Variants in SLC36A3 observed in about 807,000 individuals in gnomAD.
SLC36A3 encodes the protein solute carrier family 36 member 3.
Under a neutral mutation model 44.3 loss-of-function variants are expected in SLC36A3, and 35 were observed. That is an observed-to-expected ratio of 0.79 (90% CI 0.60 to 1.05). The LOEUF (loss-of-function observed/expected upper bound fraction) is 1.05, where lower values mean the gene tolerates loss of function less well. Ranked by LOEUF, SLC36A3 falls within the 50% of genes least tolerant of loss-of-function variation. SLC36A3 has a pLI of 0.00. For synonymous variants in SLC36A3, 211 were observed against 227.6 expected (o/e 0.93, Z 0.66); for missense variants, 540 against 578.7 (o/e 0.93, Z 0.69).
rs1754101182 is a variant in SLC36A3, at chr5:151,276,628, G to A, written c.*765C>T. 1 of 152,140 alleles carries A rather than the reference G, an allele frequency of 6.6e-6. No individual in the cohort carries two copies. The highest frequency in any genetic ancestry group is 1.5e-5 in the Non-Finnish European group (1 of 68,022). The allele number at this position is 152,140 out of a possible 1,614,324, so 9.4% of individuals were successfully genotyped here. On this transcript the variant is annotated 3_prime_UTR_variant, in exon 10 of 10. Transcript: ENST00000335230. ...CTGGAGTGGAATAGTTGGATCATAT[G>A]GTAGGTATATGTTTAAGTTTTAAAG...
intron 4 of SLC36A3, 120 bp from the exon 5 acceptor site, chr5:151,288,590 CT>C: frequency 3.4e-6 from 3 of 892,136 alleles, no homozygotes; most frequent in Non-Finnish European, 4.7e-6. Flanking sequence ...TCCCTACTTT[CT>C]TTTATTTTGA....
intron 3 of SLC36A3, among the ~76,000 whole-genome samples, chr5:151,294,849 G>A (rs6890252): frequency 3.9e-5 from 6 of 151,942 alleles, no homozygotes; most frequent in Non-Finnish European, 7.4e-5. Flanking sequence ...GGCTGGTCTC[G>A]AACTCCTGAC....
At chr5:151,299,483 C>T (rs1042178609) in intron 1 of SLC36A3, among the ~76,000 whole-genome samples, 3 of 151,292 alleles carry the variant, frequency 2.0e-5, no homozygotes, top group African/African-American at 7.3e-5. Context: ...ATATAGAGTA[C>T]TTATGATGGT....
rs1219946918 is a variant in SLC36A3, at chr5:151,277,241, G to A, written c.*152C>T. 1.8e-6 allele frequency: 2 copies of A among 1,081,438 alleles called. No homozygotes were observed. The highest frequency in any genetic ancestry group is 5.1e-5 in the East Asian group (2 of 39,264). The allele number at this position is 1,081,438 out of a possible 1,614,324, so 67.0% of individuals were successfully genotyped here. On this transcript the variant is annotated 3_prime_UTR_variant, in exon 10 of 10. Transcript: ENST00000335230. ...GAGGTGTAGCCTGAGAGACATCAGT[G>A]CTAACTTTTCTCATCTGCATTTCTC...
chr5:151,296,446 C>T lies in SLC36A3; in HGVS notation c.220-178G>A, dbSNP rs1387269264. ...AGAATTTGAATGCTCTTCTTAGCAT[C>T]CCTGTAGAGTGGCTGCCCAACTTCT... is the stretch of plus-strand genomic sequence containing the variant. On this transcript the variant is annotated intron_variant, in intron 2 of 9. Coordinates refer to ENST00000335230, the MANE Select transcript of SLC36A3 (RefSeq NM_181774.4). 5 of 628,612 alleles carry T rather than the reference C, an allele frequency of 8.0e-6. No homozygotes were observed. The East Asian group carries it at 1.4e-4, about 17-fold the overall frequency. 38.9% of individuals were successfully genotyped at this position (628,612 alleles called of 1,614,324 possible).
At position 151,288,776 on chromosome 5, in the gene SLC36A3, A is replaced by T. The variant is rs570187643; in HGVS notation, c.405-306T>A. 2.6e-5 allele frequency among the ~76,000 whole-genome samples: 4 copies of T among 151,640 alleles called. No individual in the cohort carries two copies. In the East Asian group the frequency reaches 7.7e-4, roughly 29 times the overall value. ...ATACACACACACACATACACACGCA[A>T]TTTTTTTCAGAATCATTTGAAAGTC... On this transcript the variant is annotated intron_variant, in intron 4 of 9. Coordinates refer to ENST00000335230, the MANE Select transcript of SLC36A3 (RefSeq NM_181774.4).
intron 9 of SLC36A3, among the ~76,000 whole-genome samples, chr5:151,278,149 A>T (rs1478616389): frequency 6.6e-6 from 1 of 152,214 alleles, no homozygotes; most frequent in South Asian, 2.1e-4. Flanking sequence ...TATCTATATA[A>T]TATAGCCTTT....
At chr5:151,281,840 G>T (rs1358553213) in intron 8 of SLC36A3, among the ~76,000 whole-genome samples, 3 of 152,026 alleles carry the variant, frequency 2.0e-5, no homozygotes, top group Non-Finnish European at 2.9e-5. Context: ...AAACAAAAAA[G>T]ACAATATATG....
At chr5:151,298,433 G>A (rs1417794660) in intron 2 of SLC36A3, among the ~76,000 whole-genome samples, 160 bp downstream of exon 2, 1 of 152,150 alleles carries the variant, frequency 6.6e-6, no homozygotes, top group African/African-American at 2.4e-5. Flanking sequence ...GCTCAGGTTG[G>A]ACCCAGGTTG....
At chr5:151,288,803 A>G (rs191658266) in intron 4 of SLC36A3, 68 of 154,196 alleles carry the variant, frequency 4.4e-4, no homozygotes, top group African/African-American at 1.6e-3. Context: ...TTGAAAGTCA[A>G]TTGCAGGTCA....
intron 8 of SLC36A3, among the ~76,000 whole-genome samples, chr5:151,282,294 G>C (rs767535875): frequency 6.6e-6 from 1 of 151,524 alleles, no homozygotes; most frequent in Non-Finnish European, 1.5e-5. Flanking sequence ...TCAGCCTCCC[G>C]AGTAGCTGGG....
chr5:151,293,492 A>G, intron 3 of SLC36A3, 33 bp from the exon 4 acceptor site: 1 of 1,559,980 alleles, frequency 6.4e-7, no homozygotes, highest in Non-Finnish European at 8.8e-7. Flanking sequence ...GCATAATTTA[A>G]AACATTTTTG....
chr5:151,296,244 T>C lies in SLC36A3; in HGVS notation c.244A>G (p.Ile82Val). The C allele has an allele frequency of 6.2e-7, 1 of 1,614,108 alleles. No homozygotes were observed. The change falls in exon 3 of 10, where the codon ATC becomes GTC. Residue 82 changes from isoleucine to valine, a missense_variant. Physicochemically the swap from Ile to Val is conservative, Grantham distance 29. Transcript: ENST00000335230. ...ATGCAGTGCACGGTGAGGACCCCGA[T>C]GGCCAGAAGGCTGACAGGACCGACC... is the stretch of plus-strand genomic sequence containing the variant. ...LLVGPVSLLAIGVLTVHCMVI... is the reference protein window; with the variant it reads ...LLVGPVSLLAVGVLTVHCMVI...
At chr5:151,299,747 G>C (rs773641618) in intron 1 of SLC36A3, among the ~76,000 whole-genome samples, 6 of 152,202 alleles carry the variant, frequency 3.9e-5, no homozygotes, top group Admixed American at 6.5e-5. Flanking sequence ...GAAGCCATTA[G>C]CTGCTTTGAT....
At chr5:151,302,013 C>G (rs1194221378) in intron 1 of SLC36A3, among the ~76,000 whole-genome samples, 1 of 152,064 alleles carries the variant, frequency 6.6e-6, no homozygotes, top group Non-Finnish European at 1.5e-5. Flanking sequence ...ACTTACAGTA[C>G]AAAATTCAAA....
At chr5:151,291,167 G>A (rs2127265122) in intron 4 of SLC36A3, among the ~76,000 whole-genome samples, 1 of 151,934 alleles carries the variant, frequency 6.6e-6, no homozygotes. Flanking sequence ...AAATTTTTGT[G>A]GAGATGGGGT....
chr5:151,282,107 C>CTTTTTTTTTT (rs1221489311), intron 8 of SLC36A3, among the ~76,000 whole-genome samples: 2 of 75,608 alleles, frequency 2.6e-5, no homozygotes, highest in African/African-American at 5.8e-5. Context: ...TTTTCTTTTT[C>CTTTTTTTTTT]TTTGTTTTTT....
At chr5:151,283,190 A>C (rs1360147476) in intron 8 of SLC36A3, among the ~76,000 whole-genome samples, 1 of 152,026 alleles carries the variant, frequency 6.6e-6, no homozygotes, top group Non-Finnish European at 1.5e-5. Flanking sequence ...CTGGCCTTCT[A>C]CTATCTTTCT....
rs74798325 is a variant in SLC36A3 at position 151,284,725 on chromosome 5, G to C, written c.709-14C>G. The stretch of plus-strand genomic sequence containing the variant: ...ATATGGAATCCCCTAAAAGAAAGTG[G>C]GAGAAGCACATTGGTGTTGTTATGG... On this transcript the variant is annotated splice_polypyrimidine_tract_variant and intron_variant, in intron 6 of 9. Coordinates refer to ENST00000335230, the MANE Select transcript of SLC36A3 (RefSeq NM_181774.4). The C allele has an allele frequency of 8.2e-4, 1,319 of 1,600,682 alleles. 5 individuals carry two copies. In the African/African-American group the frequency reaches 0.016, roughly 19 times the overall value.
Sources: allele counts gnomAD v4.1 joint callset (sites outside exome capture counted in the v4.1 genomes callset), GRCh38; gene constraint gnomAD v4.1.1; transcripts MANE v1.5; gene names NCBI Gene and HGNC (gene_info 2026-07-23, HGNC 2026-07-21).